Variants in TANGO2 observed in about 807,000 individuals in gnomAD.
The protein encoded by TANGO2 is transport and golgi organization 2 homolog, also known as transport and Golgi organization protein 2 homolog.
TANGO2 carries 26 observed loss-of-function variants against 39.1 expected under a neutral mutation model. The ratio of observed to expected loss-of-function variants is 0.67; its 90% CI spans 0.49 to 0.92. The LOEUF is 0.92. TANGO2 is among the 40% of genes least tolerant of loss of function. The pLI, the probability that TANGO2 is intolerant of heterozygous loss-of-function variation, is 0.00. For synonymous variants in TANGO2, 131 were observed against 144.5 expected (o/e 0.91, Z 0.67); for missense variants, 326 against 360.1 (o/e 0.91, Z 0.77).
chr22:20,061,347 T>A, intron 6 of TANGO2, 183 bp from the exon 7 acceptor site: 1 of 642,266 alleles, frequency 1.6e-6, no homozygotes, highest in Non-Finnish European at 2.5e-6. Context: ...TCTCCTCTCC[T>A]TGCCATGCCA....
Position 20,057,139 on chromosome 22 carries a change from C to T in TANGO2, c.451+1126C>T. 1 of 365,946 alleles carries T rather than the reference C, an allele frequency of 2.7e-6. No individual in the cohort carries two copies. Among genetic ancestry groups the T allele is most frequent in the Non-Finnish European group, 5.5e-6 (1 of 183,464 alleles). 22.7% of individuals were successfully genotyped at this position (365,946 alleles called of 1,614,324 possible). A position where few individuals can be genotyped will look rare whatever the true frequency, so the allele number is the denominator to read the frequency against. ...GGTGGAACTGAAGCCCCAGGCGTCC[C>T]TGGAGGGGCCCGAGGGAGATGATAA... On this transcript the variant is annotated intron_variant, in intron 6 of 8. Transcript: ENST00000327374. The surrounding 1 kb of genome is among the most constrained non-coding windows in gnomAD (Gnocchi z 4.1).
chr22:20,042,961 A>C (rs904973910), intron 2 of TANGO2, among the ~76,000 whole-genome samples: 1 of 152,002 alleles, frequency 6.6e-6, no homozygotes, highest in Non-Finnish European at 1.5e-5. Context: ...CCAAGAGCCC[A>C]CGGGTTTGTT....
intron 1 of TANGO2, among the ~76,000 whole-genome samples, chr22:20,034,848 T>C (rs1268729987): frequency 6.6e-6 from 1 of 152,228 alleles, no homozygotes; most frequent in African/African-American, 2.4e-5. Context: ...TGTGTTCTGC[T>C]GTCCTCTGTG....
At position 20,066,954 on chromosome 22, in the gene TANGO2, T is replaced by A. The variant is rs1201238856; in HGVS notation, c.*2292T>A. The A allele has an allele frequency of 3.3e-5, 5 of 152,254 alleles. No homozygotes were observed. Among genetic ancestry groups the A allele is most frequent in the Admixed American group, 3.3e-4 (5 of 15,284 alleles). 9.4% of individuals were successfully genotyped at this position (152,254 alleles called of 1,614,324 possible). On this transcript the variant is annotated 3_prime_UTR_variant, in exon 9 of 9. Coordinates refer to ENST00000327374, the MANE Select transcript of TANGO2 (RefSeq NM_152906.7). Reference sequence around the variant, plus strand: ...AGGAAGAACAGCCCTCAATGGTGATTCTATTGGTGTTATGAGTTGTGTCCC... The same window carrying A: ...AGGAAGAACAGCCCTCAATGGTGATACTATTGGTGTTATGAGTTGTGTCCC...
chr22:20,030,033 G>C (rs1014114601), intron 1 of TANGO2, among the ~76,000 whole-genome samples: 1 of 152,126 alleles, frequency 6.6e-6, no homozygotes, highest in African/African-American at 2.4e-5. Flanking sequence ...CCAGGAGGCA[G>C]TGGTACAGGC....
intron 3 of TANGO2, among the ~76,000 whole-genome samples, chr22:20,047,426 G>C (rs935394220): frequency 2.0e-5 from 3 of 151,890 alleles, no homozygotes; most frequent in African/African-American, 4.8e-5. Flanking sequence ...GTAGAGACGG[G>C]GTTTCACCAT....
intron 2 of TANGO2, among the ~76,000 whole-genome samples, chr22:20,038,722 T>C (rs368840206): frequency 1.1e-3 from 169 of 152,234 alleles, no homozygotes; most frequent in African/African-American, 4.0e-3. Flanking sequence ...TGTGAGACAC[T>C]TCTGGTGGCT....
intron 5 of TANGO2, chr22:20,055,528 C>A: frequency 3.6e-6 from 1 of 276,014 alleles, no homozygotes; most frequent in Admixed American, 4.8e-5. Flanking sequence ...TGGGGCCACA[C>A]TGGGGCCACC....
chr22:20,018,174 G>A (rs114858154), upstream of TANGO2, among the ~76,000 whole-genome samples: 1 of 152,250 alleles, frequency 6.6e-6, no homozygotes, highest in African/African-American at 2.4e-5. Flanking sequence ...ATGGTGAATC[G>A]ATCCCAGCTG....
chr22:20,064,565 A>G lies in TANGO2; in HGVS notation c.734A>G (p.Asp245Gly), dbSNP rs767709190. Residue 245 changes from aspartate (D) to glycine (G), a missense_variant, in exon 9 of 9, where the codon GAT becomes GGT. Physicochemically the swap from Asp to Gly is moderately conservative, Grantham distance 94. Coordinates refer to ENST00000327374, the MANE Select transcript of TANGO2 (RefSeq NM_152906.7). ...AGAACCAACACTATCATCCTGGTAG[A>G]TGCGGACGGCCACGTGACCTTCACT... ...GTRTNTIILV[D>G]ADGHVTFTER... is the part of the protein sequence containing the mutation. 1.4e-5 allele frequency: 23 copies of G among 1,614,164 alleles called. No homozygotes were observed. The highest frequency in any genetic ancestry group is 1.9e-5 in the Non-Finnish European group (23 of 1,179,998).
rs576140774 is a variant in TANGO2 at position 20,036,635 on chromosome 22, C to T, written c.-39-125C>T. On this transcript the variant is annotated intron_variant, in intron 1 of 8. Transcript: ENST00000327374. Reference sequence around the variant, plus strand: ...GGCCAAGAGTGTGGTGTCCAGTTCCCCCACACCCAGCAAGTAGTACAGACA... The same window carrying T: ...GGCCAAGAGTGTGGTGTCCAGTTCCTCCACACCCAGCAAGTAGTACAGACA... The T allele has an allele frequency of 2.7e-5, 22 of 805,692 alleles. No individual in the cohort carries two copies. The African/African-American group carries it at 3.0e-4, about 11-fold the overall frequency. The allele number at this position is 805,692 out of a possible 1,614,324, so 49.9% of individuals were successfully genotyped here.
In TANGO2 at chr22:20,043,553, G is replaced by T. The variant is rs112548149; in HGVS notation, c.145+110G>T. On this transcript the variant is annotated intron_variant, in intron 3 of 8. Transcript: ENST00000327374. ...TGCTGCTTCCAAGTGTGATGGCGGGGTGTAGAGGTGGAACTGATGGGGCTC... is the reference window on the plus strand; with the variant it reads ...TGCTGCTTCCAAGTGTGATGGCGGGTTGTAGAGGTGGAACTGATGGGGCTC... 414 of 762,508 alleles carry T rather than the reference G, an allele frequency of 5.4e-4. No homozygotes were observed. In the African/African-American group the frequency reaches 6.0e-3, roughly 11 times the overall value. The allele number at this position is 762,508 out of a possible 1,614,324, so 47.2% of individuals were successfully genotyped here. A position where few individuals can be genotyped will look rare whatever the true frequency, so the allele number is the denominator to read the frequency against.
At chr22:20,036,986 C>T (rs747404186) in intron 2 of TANGO2, 132 bp downstream of exon 2, 2 of 1,603,838 alleles carry the variant, frequency 1.2e-6, no homozygotes, top group East Asian at 4.5e-5. Context: ...TGGCACTGCC[C>T]TCCAGGACAG....
At position 20,036,851 on chromosome 22, in the gene TANGO2, A is replaced by G; in HGVS notation, c.53A>G (p.Tyr18Cys). The change falls in exon 2 of 9, where the codon TAC becomes TGC. Residue 18 changes from tyrosine to cysteine, a missense_variant. Transcript: ENST00000327374. ...FDPRPVSKNA[Y>C]RLILAANRDE... The stretch of plus-strand genomic sequence containing the variant: ...CCTCGCCCTGTTTCCAAAAACGCGT[A>G]CAGGTAACCCCCTCGCTCTGCATCT... The G allele has an allele frequency of 6.2e-7, 1 of 1,614,192 alleles. No homozygotes were observed. Among genetic ancestry groups the G allele is most frequent in the Admixed American group, 1.7e-5 (1 of 60,028 alleles).
At position 20,052,533 on chromosome 22, in the gene TANGO2, G is replaced by T. The variant is rs553980477; in HGVS notation, c.214G>T (p.Ala72Ser). The T allele has an allele frequency of 1.9e-6, 3 of 1,604,008 alleles. No individual in the cohort carries two copies. In the South Asian group the frequency reaches 3.4e-5, roughly 18 times the overall value. Reference protein sequence around the residue: ...LGISTRGKLAALTNYLQPQLD... With the variant: ...LGISTRGKLASLTNYLQPQLD... Reference sequence around the variant, plus strand: ...CATCAGCACACGTGGCAAGCTGGCAGCACTCACCAACTACCTGCAGCCGCA... The same window carrying T: ...CATCAGCACACGTGGCAAGCTGGCATCACTCACCAACTACCTGCAGCCGCA... Residue 72 changes from alanine (A) to serine (S), a missense_variant, in exon 4 of 9, where the codon GCA (alanine) becomes TCA (serine). Physicochemically the swap from Ala to Ser is moderately conservative, Grantham distance 99 (BLOSUM62 1). Transcript: ENST00000327374.
Position 20,052,570 on chromosome 22 carries a change from A to C in TANGO2, c.251A>C (p.Gln84Pro). 6.5e-7 allele frequency: 1 copy of C among 1,550,356 alleles called. No individual in the cohort carries two copies. Among genetic ancestry groups the C allele is most frequent in the South Asian group, 1.2e-5 (1 of 85,912 alleles). Residue 84 changes from glutamine (Q) to proline (P), a missense_variant, in exon 4 of 9, where the codon CAG (glutamine) becomes CCG (proline). Physicochemically the swap from Gln to Pro is moderately conservative, Grantham distance 76. Coordinates refer to ENST00000327374, the MANE Select transcript of TANGO2 (RefSeq NM_152906.7). ...TNYLQPQLDW[Q>P]ARGRGELVTH... is the part of the protein sequence containing the mutation. Reference sequence around the variant, plus strand: ...TACCTGCAGCCGCAGCTGGACTGGCAGGCCCGAGGGCGAGGTAAGGCGAGT... The same window carrying C: ...TACCTGCAGCCGCAGCTGGACTGGCCGGCCCGAGGGCGAGGTAAGGCGAGT...
intron 3 of TANGO2, 71 bp from the exon 4 acceptor site, chr22:20,052,394 C>G: frequency 1.9e-6 from 3 of 1,546,312 alleles, no homozygotes; most frequent in Non-Finnish European, 2.6e-6. Flanking sequence ...TATGCGTCTC[C>G]CAGGGCTGGG....
upstream of TANGO2, among the ~76,000 whole-genome samples, chr22:20,020,233 A>G (rs1483887491): frequency 6.6e-6 from 1 of 152,226 alleles, no homozygotes; most frequent in Non-Finnish European, 1.5e-5. Flanking sequence ...TGCTTTACAC[A>G]TTATCATTAT....
At chr22:20,043,476 G>A (rs1271310132) in intron 3 of TANGO2, 33 bp downstream of exon 3, 9 of 1,506,334 alleles carry the variant, frequency 6.0e-6, no homozygotes, top group Middle Eastern at 1.7e-4. Flanking sequence ...CGGTGGCTGC[G>A]CCTTGTTGCT....
Sources: allele counts gnomAD v4.1 joint callset (sites outside exome capture counted in the v4.1 genomes callset), GRCh38; gene constraint gnomAD v4.1.1; non-coding constraint Gnocchi (gnomAD v3.1); transcripts MANE v1.5; gene names NCBI Gene and HGNC (gene_info 2026-07-23, HGNC 2026-07-21).